The following PSMA1 variants were observed in gnomAD, a reference collection of about 807,000 sequenced individuals.
The protein encoded by PSMA1 is proteasome 20S subunit alpha 1, also known as proteasome subunit alpha type-1.
PSMA1 carries 3 observed loss-of-function variants against 38.4 expected under a neutral mutation model. That is an observed-to-expected ratio of 0.08 (90% confidence interval 0.04 to 0.20). The LOEUF (loss-of-function observed/expected upper bound fraction) is 0.20, where lower values mean the gene tolerates loss of function less well. PSMA1 is among the 10% of genes least tolerant of loss of function. PSMA1 has a pLI of 1.00. For missense variants in PSMA1, 227 were observed against 325.3 expected, an observed-to-expected ratio of 0.70 and a Z score of 2.32; for synonymous variants, 101 against 107.1, an observed-to-expected ratio of 0.94 and a Z score of 0.35.
intron 8 of PSMA1, among the ~76,000 whole-genome samples, chr11:14,508,826 C>T (rs1030142483): frequency 3.3e-5 from 5 of 152,084 alleles, no homozygotes; most frequent in Admixed American, 6.6e-5. Context: ...TTCATTGCCC[C>T]TCCTCCTTGA....
At chr11:14,578,207 A>T (rs1852242516) in intron 2 of PSMA1, among the ~76,000 whole-genome samples, 1 of 152,204 alleles carries the variant, frequency 6.6e-6, no homozygotes, top group Non-Finnish European at 1.5e-5. Flanking sequence ...CATGTACCCC[A>T]GAGCTTAAAG....
chr11:14,632,744 T>A (rs1161953796), intron 1 of PSMA1, among the ~76,000 whole-genome samples: 2 of 148,736 alleles, frequency 1.3e-5, no homozygotes, highest in African/African-American at 4.9e-5. Context: ...TTCTCCTGGA[T>A]AATATCCTGC....
chr11:14,528,506 G>A (rs1042562320), intron 2 of PSMA1, among the ~76,000 whole-genome samples: 6 of 151,816 alleles, frequency 4.0e-5, no homozygotes, highest in African/African-American at 9.7e-5. Flanking sequence ...CCCCAATCCC[G>A]CTTGAATCAG....
intron 8 of PSMA1, among the ~76,000 whole-genome samples, chr11:14,509,690 T>C (rs10766183): frequency 0.67 from 99,223 of 148,490 alleles, 33,254 homozygotes; most frequent in African/African-American, 0.71. Flanking sequence ...CGTGAGCCAC[T>C]GCGGCTGGCC....
chr11:14,627,137 T>A (rs1195838740), intron 1 of PSMA1, among the ~76,000 whole-genome samples: 1 of 152,210 alleles, frequency 6.6e-6, no homozygotes, highest in Non-Finnish European at 1.5e-5. Context: ...GGACTTCATT[T>A]AACCTTAATT....
chr11:14,565,498 T>G (rs963445543), intron 2 of PSMA1, among the ~76,000 whole-genome samples: 1 of 152,246 alleles, frequency 6.6e-6, no homozygotes, highest in Admixed American at 6.5e-5. Context: ...TTTTCTTCTT[T>G]TCTTATATAT....
intron 2 of PSMA1, among the ~76,000 whole-genome samples, chr11:14,539,775 G>C (rs1302650070): frequency 6.6e-6 from 1 of 152,080 alleles, no homozygotes; most frequent in Non-Finnish European, 1.5e-5. Flanking sequence ...CGTGAACCTG[G>C]GAGGTGGAGC....
At chr11:14,597,438 T>C (rs1852511838) in intron 2 of PSMA1, among the ~76,000 whole-genome samples, 1 of 152,238 alleles carries the variant, frequency 6.6e-6, no homozygotes, top group Non-Finnish European at 1.5e-5. Flanking sequence ...TATTGGTCTA[T>C]TCAGAGATTC....
intron 1 of PSMA1, among the ~76,000 whole-genome samples, chr11:14,621,351 C>T (rs982371220): frequency 5.3e-4 from 80 of 152,046 alleles, no homozygotes; most frequent in Non-Finnish European, 1.9e-4. Context: ...TCATAGCTCA[C>T]TGCAGCCTCA....
At chr11:14,623,014 T>C (rs1852867977) in intron 1 of PSMA1, among the ~76,000 whole-genome samples, 1 of 152,364 alleles carries the variant, frequency 6.6e-6, no homozygotes, top group South Asian at 2.1e-4. Context: ...AAAGTGACCA[T>C]GGGTCTAGAA....
intron 1 of PSMA1, among the ~76,000 whole-genome samples, chr11:14,641,995 G>A (rs1839006912): frequency 6.6e-6 from 1 of 152,160 alleles, no homozygotes; most frequent in African/African-American, 2.4e-5. Flanking sequence ...GAATGGCTAG[G>A]CCCAGACAAA....
chr11:14,578,714 G>A (rs181031411), intron 2 of PSMA1, among the ~76,000 whole-genome samples: 1 of 152,324 alleles, frequency 6.6e-6, no homozygotes, highest in East Asian at 1.9e-4. Context: ...AAGGTTGCAG[G>A]AGAGGGCAGT....
intron 2 of PSMA1, among the ~76,000 whole-genome samples, chr11:14,536,206 C>T (rs760193089): frequency 2.0e-5 from 3 of 152,152 alleles, no homozygotes; most frequent in Non-Finnish European, 4.4e-5. Context: ...TTACTAATCC[C>T]GGCCAATGTC....
At chr11:14,538,787 T>G (rs1851739374) in intron 2 of PSMA1, among the ~76,000 whole-genome samples, 2 of 152,266 alleles carry the variant, frequency 1.3e-5, no homozygotes, top group South Asian at 4.1e-4. Flanking sequence ...CGGTCTGTCC[T>G]GTGCCTACAC....
chr11:14,584,890 A>G (rs1565050822), intron 2 of PSMA1, among the ~76,000 whole-genome samples: 2 of 152,174 alleles, frequency 1.3e-5, no homozygotes, highest in African/African-American at 4.8e-5. Flanking sequence ...CGAGGATCAG[A>G]TGCTAGTGTT....
chr11:14,536,949 G>A (rs1240884160), intron 2 of PSMA1, among the ~76,000 whole-genome samples: 1 of 152,210 alleles, frequency 6.6e-6, no homozygotes, highest in African/African-American at 2.4e-5. Context: ...GATGGCTTCA[G>A]AATTTCTTTT....
At chr11:14,508,266 G>T (rs1482076753) in intron 8 of PSMA1, among the ~76,000 whole-genome samples, 1 of 151,884 alleles carries the variant, frequency 6.6e-6, no homozygotes, top group African/African-American at 2.4e-5. Flanking sequence ...ATATTACTGC[G>T]AAAACAGAAG....
chr11:14,600,546 G>A (rs760847155), intron 2 of PSMA1, among the ~76,000 whole-genome samples: 24 of 152,226 alleles, frequency 1.6e-4, no homozygotes, highest in Non-Finnish European at 3.1e-4. Flanking sequence ...GGGAGCCGCC[G>A]AGCCAGGCAC....
intron 5 of PSMA1, 150 bp downstream of exon 5, chr11:14,514,253 A>G: frequency 1.5e-6 from 2 of 1,376,892 alleles, no homozygotes; most frequent in Non-Finnish European, 9.4e-7. Context: ...TAAATTGCTT[A>G]TAAAGGCTAA....
Sources: gnomAD v4.1 joint callset for allele counts (sites outside exome capture counted in the v4.1 genomes callset) on GRCh38, gnomAD v4.1.1 for gene constraint, MANE v1.5 for transcripts, NCBI Gene and HGNC (gene_info 2026-07-23, HGNC 2026-07-21) for gene names.